SLC9A9: variants seen among roughly 807,000 people sequenced by gnomAD.
SLC9A9 encodes the protein solute carrier family 9 member A9.
In SLC9A9, 62 loss-of-function variants were observed where a neutral mutation model predicts 77.8. The observed-to-expected ratio is 0.80, with a 90% confidence interval of 0.65 to 0.98. The LOEUF is 0.98. Ranked by LOEUF, SLC9A9 falls within the 50% of genes least tolerant of loss-of-function variation. SLC9A9 has a pLI of 0.00. For synonymous variants in SLC9A9, 320 were observed against 283.5 expected (o/e 1.13, Z -1.29); for missense variants, 775 against 774.9 (o/e 1.00, Z 0.00).
chr3:143,559,907 C>A (rs2037051920), intron 8 of SLC9A9, among the ~76,000 whole-genome samples: 1 of 152,208 alleles, frequency 6.6e-6, no homozygotes, highest in Non-Finnish European at 1.5e-5. Context: ...AGCGACAGAG[C>A]AGTTCACCCC....
At chr3:143,729,763 G>A (rs1366314710) in intron 4 of SLC9A9, among the ~76,000 whole-genome samples, 4 of 151,936 alleles carry the variant, frequency 2.6e-5, no homozygotes, top group Non-Finnish European at 5.9e-5. Flanking sequence ...TCTTCTTCTG[G>A]GTTTCCTTAT....
chr3:143,632,810 C>T (rs1355083212), intron 6 of SLC9A9, among the ~76,000 whole-genome samples: 1 of 152,070 alleles, frequency 6.6e-6, no homozygotes, highest in Non-Finnish European at 1.5e-5. Flanking sequence ...TAATCTGTTC[C>T]TATGGTTTGG....
chr3:143,340,544 A>G (rs1482983804), intron 14 of SLC9A9, among the ~76,000 whole-genome samples: 1 of 152,220 alleles, frequency 6.6e-6, no homozygotes, highest in Admixed American at 6.5e-5. Context: ...CAACCACTCT[A>G]TAGCTAGTGG....
intron 11 of SLC9A9, among the ~76,000 whole-genome samples, chr3:143,492,541 C>T (rs1576533469): frequency 6.6e-6 from 1 of 152,172 alleles, no homozygotes; most frequent in Non-Finnish European, 1.5e-5. Flanking sequence ...CCTTTTACTG[C>T]TTTCAGAAAT....
At chr3:143,599,635 C>T (rs967071144) in intron 6 of SLC9A9, among the ~76,000 whole-genome samples, 6 of 150,936 alleles carry the variant, frequency 4.0e-5, no homozygotes, top group South Asian at 2.1e-4. Context: ...ATGCAAATGG[C>T]GCTACTGGCT....
In SLC9A9 at chr3:143,333,505, C is replaced by T. The variant is rs545106875; in HGVS notation, c.1604+29979G>A. 1.2e-3 allele frequency among the ~76,000 whole-genome samples: 179 copies of T among 152,288 alleles called. 1 individual carries two copies. The highest frequency in any genetic ancestry group is 4.2e-3 in the African/African-American group (173 of 41,574). The stretch of plus-strand genomic sequence containing the variant: ...CAAGGCAGCTCTCATAGCCAGCACC[C>T]GTGCTATGCATTTAATTCAACAATG... On this transcript the variant is annotated intron_variant, in intron 14 of 15. Coordinates refer to ENST00000316549, the MANE Select transcript of SLC9A9 (RefSeq NM_173653.4).
Position 143,832,178 on chromosome 3 carries a change from A to C in SLC9A9, c.219T>G (p.Thr73=). 6.2e-7 allele frequency: 1 copy of C among 1,613,012 alleles called. No homozygotes were observed. Among genetic ancestry groups the C allele is most frequent in the Non-Finnish European group, 8.5e-7 (1 of 1,179,546 alleles). The change falls in exon 2 of 16, where the codon ACT becomes ACG. Residue 73 remains threonine (T), a synonymous_variant. Transcript: ENST00000316549. The part of the protein sequence containing the change: ...GLILRYATAP[T]DIESGTVYDC... The stretch of plus-strand genomic sequence containing the variant: ...CATAGACAGTTCCACTTTCAATATC[A>C]GTTGGTGCTGTAGCATATCGTAAAA...
chr3:143,583,040 C>T (rs551585204), intron 6 of SLC9A9, among the ~76,000 whole-genome samples: 2 of 152,192 alleles, frequency 1.3e-5, no homozygotes, highest in South Asian at 4.1e-4. Context: ...GTAGTCCCGG[C>T]TACTCAGGAG....
Position 143,377,188 on chromosome 3 carries a change from C to T in SLC9A9, c.1524+4872G>A, listed in dbSNP as rs2033197276. 2.6e-5 allele frequency among the ~76,000 whole-genome samples: 4 copies of T among 152,298 alleles called. No individual in the cohort carries two copies. In the Middle Eastern group the frequency reaches 0.01, roughly 389 times the overall value. Reference sequence around the variant, plus strand: ...AACCTACTTATATTTCCAACTCTTGCAACTCTGGAAGGCCCTGAATAAGAA... The same window carrying T: ...AACCTACTTATATTTCCAACTCTTGTAACTCTGGAAGGCCCTGAATAAGAA... On this transcript the variant is annotated intron_variant, in intron 13 of 15. Transcript: ENST00000316549.
intron 9 of SLC9A9, among the ~76,000 whole-genome samples, chr3:143,540,485 T>A (rs970912317): frequency 1.3e-5 from 2 of 152,168 alleles, no homozygotes; most frequent in African/African-American, 4.8e-5. Flanking sequence ...TTCATCATCC[T>A]CTGTTAAGGG....
At chr3:143,359,715 A>G (rs1015347979) in intron 14 of SLC9A9, among the ~76,000 whole-genome samples, 8 of 152,128 alleles carry the variant, frequency 5.3e-5, no homozygotes, top group African/African-American at 1.9e-4. Context: ...GGATATGGCA[A>G]TTTAGGAATT....
chr3:143,464,149 C>A (rs963252926), intron 12 of SLC9A9, among the ~76,000 whole-genome samples: 1 of 152,180 alleles, frequency 6.6e-6, no homozygotes, highest in African/African-American at 2.4e-5. Flanking sequence ...CGTTTGTCTT[C>A]GTGTCTCTTG....
At chr3:143,822,111 C>G (rs1161394325) in intron 2 of SLC9A9, among the ~76,000 whole-genome samples, 1 of 152,226 alleles carries the variant, frequency 6.6e-6, no homozygotes, top group East Asian at 1.9e-4. Context: ...CCTTCTGAAT[C>G]CAACTGAGAA....
intron 2 of SLC9A9, among the ~76,000 whole-genome samples, chr3:143,821,752 A>T (rs12637090): frequency 6.6e-6 from 1 of 152,050 alleles, no homozygotes; most frequent in Non-Finnish European, 1.5e-5. Flanking sequence ...AGGCTCACAA[A>T]GTTGTTGAAT....
chr3:143,356,929 C>T (rs2032608958), intron 14 of SLC9A9, among the ~76,000 whole-genome samples: 1 of 152,112 alleles, frequency 6.6e-6, no homozygotes, highest in Non-Finnish European at 1.5e-5. Context: ...AACCTAAATA[C>T]CCCAAAATAA....
intron 4 of SLC9A9, among the ~76,000 whole-genome samples, chr3:143,732,410 C>A (rs548538486): frequency 2.6e-4 from 40 of 152,180 alleles, no homozygotes; most frequent in Non-Finnish European, 4.9e-4. Context: ...CTTCATTACC[C>A]TTTCCTCACA....
At chr3:143,797,992 G>C (rs2008435967) in intron 2 of SLC9A9, among the ~76,000 whole-genome samples, 1 of 152,126 alleles carries the variant, frequency 6.6e-6, no homozygotes, top group East Asian at 1.9e-4. Context: ...ATCAACCCCT[G>C]TCCTCCTGCT....
intron 2 of SLC9A9, among the ~76,000 whole-genome samples, chr3:143,825,946 C>G (rs1174259993): frequency 2.6e-5 from 4 of 152,236 alleles, no homozygotes; most frequent in South Asian, 2.1e-4. Context: ...TAGATTGATT[C>G]ATTCATTCAT....
At chr3:143,543,777 T>TTTTTTTTTTTTTG (rs1203062088) in intron 9 of SLC9A9, among the ~76,000 whole-genome samples, 1 of 152,126 alleles carries the variant, frequency 6.6e-6, no homozygotes, top group Non-Finnish European at 1.5e-5. Flanking sequence ...ACATTTTCTT[T>TTTTTTTTTTTTTG]ATCCAGTCCA....
Sources: allele counts gnomAD v4.1 joint callset (sites outside exome capture counted in the v4.1 genomes callset), GRCh38; gene constraint gnomAD v4.1.1; transcripts MANE v1.5; gene names NCBI Gene and HGNC (gene_info 2026-07-23, HGNC 2026-07-21).